Variants in KHDRBS2 observed in about 807,000 individuals in gnomAD.
KHDRBS2 encodes the protein KH domain-containing, RNA-binding, signal transduction-associated protein 2.
Under a neutral mutation model 44.3 loss-of-function variants are expected in KHDRBS2, and 26 were observed. The observed-to-expected ratio is 0.59, with a 90% confidence interval of 0.43 to 0.81. The LOEUF is 0.81. KHDRBS2 is among the 40% of genes least tolerant of loss of function. KHDRBS2 has a pLI of 0.00. For missense variants in KHDRBS2, 476 were observed against 433.1 expected (o/e 1.10, Z -0.88); for synonymous variants, 194 against 151.1 (o/e 1.28, Z -2.08).
intron 1 of KHDRBS2, among the ~76,000 whole-genome samples, chr6:62,274,807 A>C (rs1840655097): frequency 6.6e-6 from 1 of 152,036 alleles, no homozygotes; most frequent in African/African-American, 2.4e-5. Flanking sequence ...CCCCTCCTCA[A>C]ACTAAATGTA....
chr6:61,941,218 C>A (rs772017048), intron 4 of KHDRBS2, among the ~76,000 whole-genome samples: 2 of 152,152 alleles, frequency 1.3e-5, no homozygotes, highest in Non-Finnish European at 2.9e-5. Context: ...GGCATACACA[C>A]CATAGCTGGC....
chr6:61,641,900 G>A, the KHDRBS2 span, among the ~76,000 whole-genome samples: 74 of 152,266 alleles, frequency 4.9e-4, no homozygotes, highest in African/African-American at 1.7e-3. Context: ...CATTCAATTA[G>A]GGCAGTGCTG....
At chr6:62,004,813 C>T (rs1269904247) in intron 3 of KHDRBS2, among the ~76,000 whole-genome samples, 4 of 152,108 alleles carry the variant, frequency 2.6e-5, no homozygotes, top group Non-Finnish European at 4.4e-5. Context: ...AGCTTATCCA[C>T]CAAGATCAAG....
chr6:61,960,288 T>A (rs1007985279), intron 4 of KHDRBS2, among the ~76,000 whole-genome samples: 3 of 152,060 alleles, frequency 2.0e-5, no homozygotes, highest in African/African-American at 7.2e-5. Flanking sequence ...TTGAGACAAG[T>A]AGCAAAAACT....
chr6:62,168,600 T>G (rs1410418297), intron 2 of KHDRBS2, among the ~76,000 whole-genome samples: 1 of 152,134 alleles, frequency 6.6e-6, no homozygotes, highest in African/African-American at 2.4e-5. Context: ...GCAAGGCACT[T>G]GTTTGTTGTG....
intron 1 of KHDRBS2, among the ~76,000 whole-genome samples, chr6:62,255,329 A>C (rs1274121894): frequency 1.3e-5 from 2 of 152,064 alleles, no homozygotes; most frequent in Non-Finnish European, 2.9e-5. Context: ...TCAGAGGAAA[A>C]TAACAACTTT....
At chr6:61,984,950 A>G (rs974443257) in intron 3 of KHDRBS2, among the ~76,000 whole-genome samples, 2 of 152,230 alleles carry the variant, frequency 1.3e-5, no homozygotes, top group African/African-American at 4.8e-5. Flanking sequence ...CTATGTAAAT[A>G]AACAAACAAT....
chr6:61,668,348 A>G, the KHDRBS2 span, among the ~76,000 whole-genome samples: 71 of 151,198 alleles, frequency 4.7e-4, no homozygotes, highest in African/African-American at 1.7e-3. Flanking sequence ...TTAACAGACA[A>G]GTGAGAGGCT....
At chr6:62,107,791 A>G (rs186501616) in intron 2 of KHDRBS2, among the ~76,000 whole-genome samples, 80 of 152,300 alleles carry the variant, frequency 5.3e-4, no homozygotes, top group African/African-American at 1.9e-3. Context: ...ATAATGCCGC[A>G]TATCTACAAC....
the KHDRBS2 span, among the ~76,000 whole-genome samples, chr6:61,636,780 T>C: frequency 1.3e-5 from 2 of 152,062 alleles, no homozygotes; most frequent in African/African-American, 4.8e-5. Flanking sequence ...AACCTGCCTA[T>C]AATTTTACTT....
At chr6:61,862,467 G>A (rs1475649714) in intron 6 of KHDRBS2, among the ~76,000 whole-genome samples, 1 of 152,040 alleles carries the variant, frequency 6.6e-6, no homozygotes, top group African/African-American at 2.4e-5. Flanking sequence ...GTCATATATG[G>A]CTCTTCTTAC....
At chr6:61,958,752 T>C (rs1767984492) in intron 4 of KHDRBS2, among the ~76,000 whole-genome samples, 1 of 152,218 alleles carries the variant, frequency 6.6e-6, no homozygotes, top group Admixed American at 6.5e-5. Flanking sequence ...TATTTTTTGC[T>C]GTAGCCCTCC....
intron 6 of KHDRBS2, among the ~76,000 whole-genome samples, chr6:61,872,653 T>A (rs1199785168): frequency 6.6e-6 from 1 of 152,008 alleles, no homozygotes; most frequent in South Asian, 2.1e-4. Context: ...GACAAATAAC[T>A]CGATATCATA....
At chr6:61,963,394 C>T (rs182761272) in intron 4 of KHDRBS2, among the ~76,000 whole-genome samples, 2 of 152,038 alleles carry the variant, frequency 1.3e-5, no homozygotes, top group East Asian at 3.9e-4. Flanking sequence ...ATATAACAAT[C>T]TCTAAAGTAT....
At chr6:61,638,484 T>G in the KHDRBS2 span, among the ~76,000 whole-genome samples, 1 of 152,164 alleles carries the variant, frequency 6.6e-6, no homozygotes, top group Non-Finnish European at 1.5e-5. Flanking sequence ...ATCCCTTCCT[T>G]ACACCTTATA....
chr6:61,645,062 A>G, the KHDRBS2 span, among the ~76,000 whole-genome samples: 1 of 152,292 alleles, frequency 6.6e-6, no homozygotes, highest in Non-Finnish European at 1.5e-5. Flanking sequence ...CATGGAATCA[A>G]CCTAAATGCC....
chr6:61,864,014 T>G (rs1241693562), intron 6 of KHDRBS2, among the ~76,000 whole-genome samples: 2 of 152,226 alleles, frequency 1.3e-5, no homozygotes, highest in Non-Finnish European at 2.9e-5. Flanking sequence ...GTTTTTTTGT[T>G]GAATTGAACT....
chr6:62,085,081 C>A (rs1341807767), intron 2 of KHDRBS2, among the ~76,000 whole-genome samples: 1 of 152,096 alleles, frequency 6.6e-6, no homozygotes, highest in South Asian at 2.1e-4. Flanking sequence ...TTAAATATTA[C>A]TCTATTAGAA....
chr6:61,816,629 T>C, intron 6 of KHDRBS2: 1 of 451,952 alleles, frequency 2.2e-6, no homozygotes, highest in East Asian at 7.0e-5. Flanking sequence ...TGGTACTTCG[T>C]TATCACAATG....
Sources: gnomAD v4.1 joint callset for allele counts (sites outside exome capture counted in the v4.1 genomes callset) on GRCh38, gnomAD v4.1.1 for gene constraint, MANE v1.5 for transcripts, NCBI Gene and HGNC (gene_info 2026-07-23, HGNC 2026-07-21) for gene names.